SEMA3E: variants seen among roughly 807,000 people sequenced by gnomAD.
SEMA3E encodes the protein semaphorin-3E.
SEMA3E carries 49 observed loss-of-function variants against 93.6 expected under a neutral mutation model. The ratio of observed to expected loss-of-function variants is 0.52; its 90% CI spans 0.42 to 0.66. SEMA3E has a LOEUF of 0.66. SEMA3E is among the 30% of genes least tolerant of loss of function. The pLI, the probability that SEMA3E is intolerant of heterozygous loss-of-function variation, is 0.00. For synonymous variants in SEMA3E, 363 were observed against 330.7 expected, an observed-to-expected ratio of 1.10 and a Z score of -1.06; for missense variants, 906 against 964.8, an observed-to-expected ratio of 0.94 and a Z score of 0.81.
chr7:83,400,076 G>C lies in SEMA3E; in HGVS notation c.1318C>G (p.Arg440Gly), dbSNP rs377657646. Residue 440 changes from arginine (R) to glycine (G), a missense_variant, in exon 11 of 17, where the codon CGA becomes GGA. Physicochemically the swap from Arg to Gly is moderately radical, Grantham distance 125. Transcript: ENST00000643230. ...TATTGGCCATCCTCAGCTTCCACTC[G>C]ATCTACTGCTATTTGTTTCAGGTTA... ...KYNLKQIAVDRVEAEDGQYDV... is the reference protein window; with the variant it reads ...KYNLKQIAVDGVEAEDGQYDV... 3 of 1,613,812 alleles carry C rather than the reference G, an allele frequency of 1.9e-6. No individual in the cohort carries two copies. In the African/African-American group the frequency reaches 4.0e-5, roughly 22 times the overall value.
chr7:83,412,701 G>A (rs1788464149), intron 5 of SEMA3E, among the ~76,000 whole-genome samples: 1 of 151,024 alleles, frequency 6.6e-6, no homozygotes, highest in Non-Finnish European at 1.5e-5. Flanking sequence ...GGTAGAGGCT[G>A]CAGTGAACTA....
At chr7:83,393,029 A>G in intron 13 of SEMA3E, among the ~76,000 whole-genome samples, 1 of 107,766 alleles carries the variant, frequency 9.3e-6, no homozygotes. Flanking sequence ...ACAAGAGAGA[A>G]ACTCCATCTC....
rs1160608722 is a variant in SEMA3E at position 83,365,833 on chromosome 7, T to C, written c.*1753A>G. On this transcript the variant is annotated 3_prime_UTR_variant, in exon 17 of 17. Coordinates refer to ENST00000643230, the MANE Select transcript of SEMA3E (RefSeq NM_012431.3). Reference sequence around the variant, plus strand: ...CATAAACTTTGTAAGGCCCCTGTGATCTGTGTTTGTGGTTCTATTTCTCCA... The same window carrying C: ...CATAAACTTTGTAAGGCCCCTGTGACCTGTGTTTGTGGTTCTATTTCTCCA... 1.3e-5 allele frequency: 2 copies of C among 152,162 alleles called. No homozygotes were observed. Among genetic ancestry groups the C allele is most frequent in the Non-Finnish European group, 2.9e-5 (2 of 68,002 alleles). The allele number at this position is 152,162 out of a possible 1,614,324, so 9.4% of individuals were successfully genotyped here.
intron 1 of SEMA3E, among the ~76,000 whole-genome samples, chr7:83,608,844 A>C (rs1335226511): frequency 6.6e-6 from 1 of 152,116 alleles, no homozygotes; most frequent in Non-Finnish European, 1.5e-5. Flanking sequence ...AAAACACTCG[A>C]AGTTGGTAAA....
intron 16 of SEMA3E, among the ~76,000 whole-genome samples, chr7:83,368,402 C>G (rs1794706074): frequency 6.6e-6 from 1 of 152,126 alleles, no homozygotes; most frequent in Non-Finnish European, 1.5e-5. Context: ...AGGAAAATTT[C>G]TAAAATTTAT....
At chr7:83,522,706 G>A (rs2109543) in intron 1 of SEMA3E, among the ~76,000 whole-genome samples, 126,405 of 152,048 alleles carry the variant, frequency 0.83, 52,989 homozygotes, top group South Asian at 0.95. Flanking sequence ...CAATGGAGAA[G>A]AATAGAAAAA....
chr7:83,490,179 A>C lies in SEMA3E; in HGVS notation c.211T>G (p.Phe71Val). 6.2e-7 allele frequency: 1 copy of C among 1,613,142 alleles called. No individual in the cohort carries two copies. The highest frequency in any genetic ancestry group is 2.2e-5 in the East Asian group (1 of 44,830). ...MLLDEYQERL[F>V]VGGRDLVYSL... is the part of the protein sequence containing the mutation. ...TATACAAGGTCCCTGCCTCCCACGA[A>C]GAGCCTCTCTTGATATTCATCCAGC... Residue 71 changes from phenylalanine (F) to valine (V), a missense_variant, in exon 2 of 17, where the codon TTC (phenylalanine) becomes GTC (valine). Physicochemically the swap from Phe to Val is conservative, Grantham distance 50. Transcript: ENST00000643230.
At chr7:83,390,329 A>C (rs1236929653) in intron 14 of SEMA3E, among the ~76,000 whole-genome samples, 1 of 151,072 alleles carries the variant, frequency 6.6e-6, no homozygotes, top group Non-Finnish European at 1.5e-5. Context: ...AAGTTGAACA[A>C]ATTTGCTTTC....
chr7:83,631,413 A>C (rs2115673972), intron 1 of SEMA3E, among the ~76,000 whole-genome samples: 1 of 152,326 alleles, frequency 6.6e-6, no homozygotes, highest in Non-Finnish European at 1.5e-5. Flanking sequence ...CCAAATACTG[A>C]CATTTTAGAT....
intron 12 of SEMA3E, among the ~76,000 whole-genome samples, chr7:83,395,798 G>A (rs1447884220): frequency 1.3e-5 from 2 of 152,054 alleles, no homozygotes; most frequent in Non-Finnish European, 2.9e-5. Flanking sequence ...ATTCAGGCAT[G>A]GATTATCGTG....
chr7:83,546,176 C>G (rs945505370), intron 1 of SEMA3E, among the ~76,000 whole-genome samples: 1 of 149,076 alleles, frequency 6.7e-6, no homozygotes, highest in Non-Finnish European at 1.5e-5. Context: ...TTATCTATAC[C>G]AGTATCTTAT....
In SEMA3E at chr7:83,364,843, G is replaced by A. The variant is rs1794642673; in HGVS notation, c.*2743C>T. On this transcript the variant is annotated 3_prime_UTR_variant, in exon 17 of 17. Coordinates refer to ENST00000643230, the MANE Select transcript of SEMA3E (RefSeq NM_012431.3). ...GGTTTCTCTCCTTCTACAAGAAAGA[G>A]AAAAATGGGGAAAATTTGGTGAGAT... 2 of 152,172 alleles carry A rather than the reference G, an allele frequency of 1.3e-5. No homozygotes were observed. Among genetic ancestry groups the A allele is most frequent in the African/African-American group, 4.8e-5 (2 of 41,442 alleles). 9.4% of individuals were successfully genotyped at this position (152,172 alleles called of 1,614,324 possible).
intron 1 of SEMA3E, among the ~76,000 whole-genome samples, chr7:83,517,935 C>A (rs2535371): frequency 0.18 from 27,252 of 152,012 alleles, 2,575 homozygotes; most frequent in African/African-American, 0.25. Flanking sequence ...GTGGAGAAGA[C>A]TGGTTTGGGG....
At chr7:83,596,767 G>A (rs1792882748) in intron 1 of SEMA3E, among the ~76,000 whole-genome samples, 1 of 151,962 alleles carries the variant, frequency 6.6e-6, no homozygotes, top group South Asian at 2.1e-4. Context: ...TGTGATCTCT[G>A]ATCTCATGAT....
chr7:83,608,737 G>A (rs115364130), intron 1 of SEMA3E, among the ~76,000 whole-genome samples: 4,191 of 152,060 alleles, frequency 0.028, 70 homozygotes, highest in African/African-American at 0.041. Flanking sequence ...GTTTGAATTC[G>A]TATGCAAGAT....
At chr7:83,506,257 G>T (rs945803116) in intron 1 of SEMA3E, among the ~76,000 whole-genome samples, 1 of 151,740 alleles carries the variant, frequency 6.6e-6, no homozygotes, top group Non-Finnish European at 1.5e-5. Context: ...AACGTATAGC[G>T]CATATACACA....
chr7:83,505,826 T>C (rs12113780), intron 1 of SEMA3E, among the ~76,000 whole-genome samples: 6,348 of 151,756 alleles, frequency 0.042, 145 homozygotes, highest in Middle Eastern at 0.079. Flanking sequence ...ACATCCTGGC[T>C]AACATGGTGA....
At position 83,366,326 on chromosome 7, in the gene SEMA3E, GATAA is replaced by G. The variant is rs895370908; in HGVS notation, c.*1256_*1259del. 6.6e-6 allele frequency: 1 copy of G among 151,914 alleles called. No homozygotes were observed. The allele number at this position is 151,914 out of a possible 1,614,324, so 9.4% of individuals were successfully genotyped here. On this transcript the variant is annotated 3_prime_UTR_variant, in exon 17 of 17. Coordinates refer to ENST00000643230, the MANE Select transcript of SEMA3E (RefSeq NM_012431.3). ...ATTTAATAGAAGAAGGAAAGACTTTGATAAATAAACATTCTTAAAAATACAATTG... is the reference window on the plus strand; with the variant it reads ...ATTTAATAGAAGAAGGAAAGACTTTGATAAACATTCTTAAAAATACAATTG...
intron 1 of SEMA3E, among the ~76,000 whole-genome samples, chr7:83,639,127 A>AAAAAAAAAAAAAAAAC (rs1793944513): frequency 7.1e-6 from 1 of 139,996 alleles, no homozygotes; most frequent in African/African-American, 2.7e-5. Flanking sequence ...AAAAAAAAAA[A>AAAAAAAAAAAAAAAAC]AAAAAAAAAA....
Sources: gnomAD v4.1 joint callset for allele counts (sites outside exome capture counted in the v4.1 genomes callset) on GRCh38, gnomAD v4.1.1 for gene constraint, MANE v1.5 for transcripts, NCBI Gene and HGNC (gene_info 2026-07-23, HGNC 2026-07-21) for gene names.